PUS7: variants seen among roughly 807,000 people sequenced by gnomAD.
The protein encoded by PUS7 is pseudouridine synthase 7.
In PUS7, 48 loss-of-function variants were observed where a neutral mutation model predicts 79.8. The observed-to-expected ratio is 0.60, with a 90% confidence interval of 0.48 to 0.76. The LOEUF is 0.76. Ranked by LOEUF, PUS7 falls within the 30% of genes least tolerant of loss-of-function variation. The pLI is 0.00. For synonymous variants in PUS7, 286 were observed against 272.2 expected (o/e 1.05, Z -0.50); for missense variants, 729 against 797.6 (o/e 0.91, Z 1.04).
At position 105,465,477 on chromosome 7, in the gene PUS7, T is replaced by G. The variant is rs761350538; in HGVS notation, c.1526-63A>C. Reference sequence around the variant, plus strand: ...GGCAATATTGTTATGAACTCAATCTTCTAAAATTATATACATCTAAGCAAG... The same window carrying G: ...GGCAATATTGTTATGAACTCAATCTGCTAAAATTATATACATCTAAGCAAG... On this transcript the variant is annotated intron_variant, in intron 12 of 15. Transcript: ENST00000469408. 3.5e-4 allele frequency: 419 copies of G among 1,211,504 alleles called. 3 individuals carry two copies. The highest frequency in any genetic ancestry group is 6.5e-5 in the Non-Finnish European group (54 of 835,236). The allele number at this position is 1,211,504 out of a possible 1,614,324, so 75.0% of individuals were successfully genotyped here.
At chr7:105,476,500 G>A (rs1824117056) in intron 9 of PUS7, among the ~76,000 whole-genome samples, 1 of 152,126 alleles carries the variant, frequency 6.6e-6, no homozygotes, top group African/African-American at 2.4e-5. Flanking sequence ...TGGGACTACA[G>A]GCATGTGCCA....
chr7:105,469,600 C>T (rs567953186), intron 11 of PUS7, among the ~76,000 whole-genome samples: 1 of 152,200 alleles, frequency 6.6e-6, no homozygotes, highest in Non-Finnish European at 1.5e-5. Flanking sequence ...GCTGGGATTA[C>T]AGGCGTCTGC....
At chr7:105,461,129 T>A (rs1823409386) in intron 14 of PUS7, among the ~76,000 whole-genome samples, 1 of 152,162 alleles carries the variant, frequency 6.6e-6, no homozygotes, top group Non-Finnish European at 1.5e-5. Context: ...GGGCTTCCAA[T>A]AAAGTATTTT....
intron 1 of PUS7, among the ~76,000 whole-genome samples, chr7:105,513,408 T>C (rs1387018409): frequency 6.6e-6 from 1 of 152,242 alleles, no homozygotes; most frequent in Non-Finnish European, 1.5e-5. Flanking sequence ...GGTTTTGCCA[T>C]TTACTAAGTG....
intron 6 of PUS7, among the ~76,000 whole-genome samples, chr7:105,494,707 C>T (rs1013971228): frequency 3.9e-5 from 6 of 151,908 alleles, no homozygotes; most frequent in African/African-American, 7.2e-5. Context: ...TGCGCCAGGC[C>T]GATCGGCAAT....
intron 13 of PUS7, 120 bp downstream of exon 13, chr7:105,465,193 C>A: frequency 1.8e-6 from 1 of 554,762 alleles, no homozygotes; most frequent in Non-Finnish European, 3.1e-6. Context: ...TTAAATTTTC[C>A]ATGTGAATGC....
At chr7:105,463,320 AT>A (rs1165037166) in intron 13 of PUS7, among the ~76,000 whole-genome samples, 2 of 152,072 alleles carry the variant, frequency 1.3e-5, no homozygotes, top group African/African-American at 4.8e-5. Context: ...GCTGAAATCC[AT>A]TTTCTTCTAA....
At position 105,522,043 on chromosome 7, in the gene PUS7, C is replaced by G. The variant is rs1167786961; in HGVS notation, c.-33+9G>C. ...AGCCCCGGCGGCCGCGGGGAGGCCG[C>G]GCACTTACCCGGAGCCTGGGAGCGC... On this transcript the variant is annotated intron_variant, in intron 1 of 15. Transcript: ENST00000469408. The G allele has an allele frequency of 1.3e-5, 2 of 151,754 alleles. No individual in the cohort carries two copies. Among genetic ancestry groups the G allele is most frequent in the African/African-American group, 4.9e-5 (2 of 40,936 alleles). 9.4% of individuals were successfully genotyped at this position (151,754 alleles called of 1,614,324 possible).
Position 105,505,248 on chromosome 7 carries a change from C to T in PUS7, c.585+707G>A, listed in dbSNP as rs183171682. Among the ~76,000 whole-genome samples, 315 of 152,232 alleles carry T rather than the reference C, an allele frequency of 2.1e-3. 2 individuals are homozygous for T. The highest frequency in any genetic ancestry group is 7.2e-3 in the African/African-American group (300 of 41,540). On this transcript the variant is annotated intron_variant, in intron 4 of 15. Transcript: ENST00000469408. ...GAACTCCTGACCTCAAGTGATCCGC[C>T]CACCTTGGCCTCCCAAAGTGCTGGG...
chr7:105,519,058 G>A (rs1026286750), intron 1 of PUS7, among the ~76,000 whole-genome samples: 2 of 151,556 alleles, frequency 1.3e-5, no homozygotes, highest in East Asian at 2.0e-4. Flanking sequence ...CTGAGCCACC[G>A]CGCCCAGCCT....
chr7:105,474,831 G>A (rs1586110853), intron 9 of PUS7, among the ~76,000 whole-genome samples: 2 of 151,884 alleles, frequency 1.3e-5, no homozygotes, highest in South Asian at 4.1e-4. Flanking sequence ...ATCAATTACA[G>A]CCTGCAGGCA....
At chr7:105,513,532 T>C (rs1434448532) in intron 1 of PUS7, among the ~76,000 whole-genome samples, 2 of 152,250 alleles carry the variant, frequency 1.3e-5, no homozygotes, top group African/African-American at 2.4e-5. Context: ...ATAGTTATTA[T>C]TGATGGGCTG....
intron 6 of PUS7, 58 bp from the exon 7 acceptor site, chr7:105,491,675 C>G (rs1824786513): frequency 5.0e-6 from 5 of 991,142 alleles, no homozygotes; most frequent in Non-Finnish European, 7.8e-6. Flanking sequence ...ATAAGGAAAT[C>G]CTAATTCTCA....
At chr7:105,466,162 GAAA>G (rs10569634) in intron 12 of PUS7, among the ~76,000 whole-genome samples, 69 of 147,846 alleles carry the variant, frequency 4.7e-4, no homozygotes, top group Middle Eastern at 6.9e-3. Flanking sequence ...TGTCTCAAAG[GAAA>G]AAAAAAAAAA....
intron 5 of PUS7, among the ~76,000 whole-genome samples, chr7:105,498,302 A>G (rs1825115803): frequency 6.6e-6 from 1 of 152,244 alleles, no homozygotes; most frequent in South Asian, 2.1e-4. Context: ...GTGACTTTAT[A>G]AAACTCCACC....
At chr7:105,473,829 T>C (rs1242245897) in intron 9 of PUS7, among the ~76,000 whole-genome samples, 3 of 150,156 alleles carry the variant, frequency 2.0e-5, no homozygotes, top group Non-Finnish European at 3.0e-5. Flanking sequence ...GCAGGGATTA[T>C]AGGCATGAGC....
intron 11 of PUS7, among the ~76,000 whole-genome samples, chr7:105,469,294 CTTTTTTA>C (rs1823782593): frequency 6.7e-6 from 1 of 149,834 alleles, no homozygotes; most frequent in African/African-American, 2.5e-5. Context: ...TCATTTTTTT[CTTTTTTA>C]TTTTTTTGAG....
chr7:105,469,091 G>A (rs2692431), intron 11 of PUS7, among the ~76,000 whole-genome samples: 117,602 of 151,216 alleles, frequency 0.78, 47,083 homozygotes, highest in Non-Finnish European at 0.87. Context: ...TCTTTCTAGA[G>A]ACAGGGTTTT....
intron 7 of PUS7, among the ~76,000 whole-genome samples, chr7:105,484,218 A>T (rs1403648780): frequency 6.6e-6 from 1 of 152,148 alleles, no homozygotes; most frequent in African/African-American, 2.4e-5. Context: ...CAAAGTCTTT[A>T]CCCAATTATT....
Sources: gnomAD v4.1 joint callset for allele counts (sites outside exome capture counted in the v4.1 genomes callset) on GRCh38, gnomAD v4.1.1 for gene constraint, MANE v1.5 for transcripts, NCBI Gene and HGNC (gene_info 2026-07-23, HGNC 2026-07-21) for gene names.